The following MCM5 variants were observed in gnomAD, a reference collection of about 807,000 sequenced individuals.
MCM5 encodes the protein minichromosome maintenance complex component 5.
In MCM5, 46 loss-of-function variants were observed where a neutral mutation model predicts 79.9. That is an observed-to-expected ratio of 0.58 (90% CI 0.45 to 0.74). The LOEUF (loss-of-function observed/expected upper bound fraction) is 0.74. Among genes scored for constraint, MCM5 ranks in the 30% least tolerant of loss-of-function variants. The pLI is 0.00. For missense variants in MCM5, 883 were observed against 1,017.0 expected, an observed-to-expected ratio of 0.87 and a Z score of 1.79; for synonymous variants, 404 against 390.5, an observed-to-expected ratio of 1.03 and a Z score of -0.41.
At chr22:35,403,104 G>A (rs1932107832) in intron 2 of MCM5, 103 bp from the exon 3 acceptor site, 1 of 1,371,750 alleles carries the variant, frequency 7.3e-7, no homozygotes, top group Admixed American at 1.9e-5. Flanking sequence ...GGTCATGGTG[G>A]CTGTGGTGTG....
intron 16 of MCM5, 108 bp from the exon 17 acceptor site, chr22:35,424,046 G>C (rs1050167): frequency 5.1e-4 from 353 of 694,392 alleles, no homozygotes; most frequent in Non-Finnish European, 7.8e-4. Context: ...GGGCCCTTTA[G>C]GTCAAAGGAG....
chr22:35,416,553 GTGTGT>G (rs1293777988), intron 11 of MCM5, 80 bp from the exon 12 acceptor site: 3 of 794,606 alleles, frequency 3.8e-6, no homozygotes, highest in Non-Finnish European at 5.9e-6. Flanking sequence ...GTGTGTGTGT[GTGTGT>G]GTGTGTGTGT....
At chr22:35,444,179 G>GA in the MCM5 span, among the ~76,000 whole-genome samples, 4 of 151,370 alleles carry the variant, frequency 2.6e-5, no homozygotes, top group East Asian at 7.8e-4. Context: ...GAGAGAGAGA[G>GA]AGAGAAGAGA....
chr22:35,413,340 G>A (rs1266205232), intron 8 of MCM5, among the ~76,000 whole-genome samples: 4 of 152,164 alleles, frequency 2.6e-5, no homozygotes, highest in Non-Finnish European at 4.4e-5. Flanking sequence ...CACCGCACCC[G>A]GCCGCACAGG....
At chr22:35,438,452 CACAT>C in the MCM5 span, among the ~76,000 whole-genome samples, 1 of 149,218 alleles carries the variant, frequency 6.7e-6, no homozygotes, top group Non-Finnish European at 1.5e-5. Flanking sequence ...TCCATCCATC[CACAT>C]ATTCATCCAT....
chr22:35,439,430 T>TCCAC, the MCM5 span, among the ~76,000 whole-genome samples: 1 of 55,466 alleles, frequency 1.8e-5, no homozygotes, highest in African/African-American at 9.5e-5. Flanking sequence ...CATTCATCCA[T>TCCAC]CCACCCACAT....
chr22:35,437,939 G>T, the MCM5 span, among the ~76,000 whole-genome samples: 1 of 152,134 alleles, frequency 6.6e-6, no homozygotes, highest in Admixed American at 6.5e-5. Flanking sequence ...GAGAAGGGGA[G>T]TGACTAGTCC....
Position 35,403,453 on chromosome 22 carries a change from CG to C in MCM5, c.336del (p.Arg114GlyfsTer27). 6.2e-7 allele frequency: 1 copy of C among 1,614,178 alleles called. No individual in the cohort carries two copies. Among genetic ancestry groups the C allele is most frequent in the Non-Finnish European group, 8.5e-7 (1 of 1,180,042 alleles). ...AAKEVADEVT[R>X]PRPSGEEVLQ... Reference sequence around the variant, plus strand: ...CAAGGAGGTAGCTGATGAGGTGACCCGGCCCCGGCCTTCTGGGGAGGAGGTG... The same window carrying C: ...CAAGGAGGTAGCTGATGAGGTGACCCGCCCCGGCCTTCTGGGGAGGAGGTG... On this transcript the variant is annotated frameshift_variant, in exon 4 of 17. Transcript: ENST00000216122. LOFTEE classifies it high-confidence loss of function.
At chr22:35,421,511 G>A (rs767381104) in intron 15 of MCM5, 51 bp downstream of exon 15, 17 of 1,611,510 alleles carry the variant, frequency 1.1e-5, no homozygotes, top group South Asian at 2.2e-5. Flanking sequence ...TCCCTGGCTC[G>A]GAGCTCTGTG....
chr22:35,438,602 C>CCACCCACCCACATATCCATCCATCCAT, the MCM5 span, among the ~76,000 whole-genome samples: 5 of 57,070 alleles, frequency 8.8e-5, no homozygotes, highest in Admixed American at 1.6e-4. Context: ...CATGCATCCA[C>CCACCCACCCACATATCCATCCATCCAT]CCACCCACAT....
chr22:35,430,179 T>C (rs996432059), downstream of MCM5, among the ~76,000 whole-genome samples: 1 of 152,166 alleles, frequency 6.6e-6, no homozygotes, highest in African/African-American at 2.4e-5. Flanking sequence ...AAATTACTGC[T>C]CCTTACACAG....
chr22:35,449,935 C>T, the MCM5 span, among the ~76,000 whole-genome samples: 9 of 152,092 alleles, frequency 5.9e-5, no homozygotes, highest in African/African-American at 2.2e-4. Flanking sequence ...GTGTGCACCA[C>T]CATGCCCAGC....
rs745832921 is a variant in MCM5, at chr22:35,424,208, G to C, written c.2158G>C (p.Glu720Gln). The part of the protein sequence containing the change: ...KVLQLMLRRG[E>Q]IQHRMQRKVL... ...GCTGCAGCTCATGCTGCGGCGCGGCGAGATCCAGCATCGCATGCAGCGCAA... is the reference window on the plus strand; with the variant it reads ...GCTGCAGCTCATGCTGCGGCGCGGCCAGATCCAGCATCGCATGCAGCGCAA... The change falls in exon 17 of 17, where the codon GAG becomes CAG. Residue 720 changes from glutamate to glutamine, a missense_variant. By Grantham distance (29) the Glu-to-Gln change is conservative. Transcript: ENST00000216122. 4 of 1,553,346 alleles carry C rather than the reference G, an allele frequency of 2.6e-6. No individual in the cohort carries two copies. The South Asian group carries it at 4.8e-5, about 18-fold the overall frequency.
chr22:35,410,726 C>T lies in MCM5; in HGVS notation c.753-18C>T, dbSNP rs772963415. 5 of 1,612,768 alleles carry T rather than the reference C, an allele frequency of 3.1e-6. No individual in the cohort carries two copies. In the East Asian group the frequency reaches 8.9e-5, roughly 29 times the overall value. On this transcript the variant is annotated intron_variant, in intron 6 of 16. Coordinates refer to ENST00000216122, the MANE Select transcript of MCM5 (RefSeq NM_006739.4). ...CAGAATCTCAGCTTTTCTCCTTTCT[C>T]CTCTACCCTCCTCTCAGGTACCTGT...
At chr22:35,418,697 A>ACACG (rs1932613725) in intron 13 of MCM5, among the ~76,000 whole-genome samples, 1 of 151,812 alleles carries the variant, frequency 6.6e-6, no homozygotes, top group Non-Finnish European at 1.5e-5. Flanking sequence ...ACACACACAC[A>ACACG]CACACACACA....
chr22:35,424,458 T>G lies in MCM5; in HGVS notation c.*203T>G. The G allele has an allele frequency of 2.0e-6, 1 of 511,020 alleles. No homozygotes were observed. Among genetic ancestry groups the G allele is most frequent in the Non-Finnish European group, 3.5e-6 (1 of 289,812 alleles). 31.7% of individuals were successfully genotyped at this position (511,020 alleles called of 1,614,324 possible). A position where few individuals can be genotyped will look rare whatever the true frequency, so the allele number is the denominator to read the frequency against. ...GCCTCTAGCGCGGTTCTGGGAAGTGTGCTTTTGGCATCCGTTAATAATAAA... is the reference window on the plus strand; with the variant it reads ...GCCTCTAGCGCGGTTCTGGGAAGTGGGCTTTTGGCATCCGTTAATAATAAA... On this transcript the variant is annotated 3_prime_UTR_variant, in exon 17 of 17. Transcript: ENST00000216122.
rs1601759621 is a variant in MCM5 at position 35,415,921 on chromosome 22, A to G, written c.1296A>G (p.Gly432=). ...CCCGGAATTTCATCATGGAGGGCGG[A>G]GCCATGGTCCTGGCCGATGGTGGGG... is the stretch of plus-strand genomic sequence containing the variant. ...PSSRNFIMEG[G]AMVLADGGVV... Residue 432 remains glycine (G), a synonymous_variant, in exon 10 of 17, where the codon GGA becomes GGG. Coordinates refer to ENST00000216122, the MANE Select transcript of MCM5 (RefSeq NM_006739.4). The G allele has an allele frequency of 6.2e-7, 1 of 1,614,106 alleles. No individual in the cohort carries two copies. The highest frequency in any genetic ancestry group is 8.5e-7 in the Non-Finnish European group (1 of 1,180,028).
At chr22:35,450,874 C>G in the MCM5 span, among the ~76,000 whole-genome samples, 1 of 152,206 alleles carries the variant, frequency 6.6e-6, no homozygotes, top group African/African-American at 2.4e-5. Context: ...TGTCAGAGGG[C>G]TGTGTGTGTT....
At chr22:35,445,677 TTTTTTGTA>T in the MCM5 span, among the ~76,000 whole-genome samples, 1 of 151,948 alleles carries the variant, frequency 6.6e-6, no homozygotes, top group Non-Finnish European at 1.5e-5. Context: ...GCCTGGCTAA[TTTTTTGTA>T]TTTTTAGTAG....
Sources: allele counts gnomAD v4.1 joint callset (sites outside exome capture counted in the v4.1 genomes callset), GRCh38; gene constraint gnomAD v4.1.1; transcripts MANE v1.5; gene names NCBI Gene and HGNC (gene_info 2026-07-23, HGNC 2026-07-21).